Variants in CACNG2 observed in about 807,000 individuals in gnomAD.
CACNG2 encodes voltage-dependent calcium channel gamma-2 subunit.
CACNG2 carries 3 observed loss-of-function variants against 25.9 expected under a neutral mutation model. That is an observed-to-expected ratio of 0.12 (90% CI 0.05 to 0.30). CACNG2 has a LOEUF of 0.30. Among genes scored for constraint, CACNG2 ranks in the 10% least tolerant of loss-of-function variants. The probability of loss-of-function intolerance (pLI) is 1.00; values close to 1 mark genes in which losing one functional copy is unlikely to be tolerated. For synonymous variants in CACNG2, 167 were observed against 173.3 expected (o/e 0.96, Z 0.29); for missense variants, 341 against 432.5 (o/e 0.79, Z 1.88).
In CACNG2 at chr22:36,625,221, C is replaced by T. The variant is rs138997043; in HGVS notation, c.212-37673G>A. On this transcript the variant is annotated intron_variant, in intron 1 of 3. Coordinates refer to ENST00000300105, the MANE Select transcript of CACNG2 (RefSeq NM_006078.5). ...TAGTTTCTGTATACAGAGGAGAGAA[C>T]GCTGGATAGAGAGTCTGAAAATGCA... is the stretch of plus-strand genomic sequence containing the variant. Among the ~76,000 whole-genome samples the T allele has an allele frequency of 2.1e-3, 320 of 152,152 alleles. 2 individuals carry two copies. Among genetic ancestry groups the T allele is most frequent in the African/African-American group, 7.2e-3 (299 of 41,498 alleles).
At chr22:36,686,377 G>A (rs1031824367) in intron 1 of CACNG2, among the ~76,000 whole-genome samples, 4 of 152,188 alleles carry the variant, frequency 2.6e-5, no homozygotes, top group African/African-American at 4.8e-5. Flanking sequence ...GCTTCTCTTC[G>A]GTCAAATCCT....
intron 1 of CACNG2, among the ~76,000 whole-genome samples, chr22:36,676,992 CA>C (rs1307062972): frequency 7.2e-6 from 1 of 138,634 alleles, no homozygotes; most frequent in African/African-American, 2.6e-5. Context: ...TTGTCAGCAG[CA>C]AATTCATCTG....
At chr22:36,666,869 G>A (rs888062291) in intron 1 of CACNG2, among the ~76,000 whole-genome samples, 16 of 151,990 alleles carry the variant, frequency 1.1e-4, no homozygotes, top group Non-Finnish European at 8.8e-5. Context: ...CACTAGACCG[G>A]ATGGCCCACT....
chr22:36,685,175 G>T (rs940900459), intron 1 of CACNG2, among the ~76,000 whole-genome samples: 1 of 152,086 alleles, frequency 6.6e-6, no homozygotes, highest in Non-Finnish European at 1.5e-5. Context: ...GGCGGCAGGG[G>T]GTGTCTCTCC....
chr22:36,696,804 T>C (rs1937348296), intron 1 of CACNG2, among the ~76,000 whole-genome samples: 1 of 152,184 alleles, frequency 6.6e-6, no homozygotes, highest in African/African-American at 2.4e-5. Flanking sequence ...CAGACATCCA[T>C]TCATTTAATC....
chr22:36,607,254 T>C (rs923125150), intron 1 of CACNG2, among the ~76,000 whole-genome samples: 2 of 152,090 alleles, frequency 1.3e-5, no homozygotes, highest in Non-Finnish European at 2.9e-5. Context: ...GTCTTGGCCC[T>C]TTTCTTTTTT....
At chr22:36,688,463 C>A (rs984367838) in intron 1 of CACNG2, among the ~76,000 whole-genome samples, 8 of 150,780 alleles carry the variant, frequency 5.3e-5, no homozygotes, top group African/African-American at 1.7e-4. Context: ...TTGCTTGAAC[C>A]CAACAGTTTG....
At chr22:36,679,471 T>C (rs941109997) in intron 1 of CACNG2, among the ~76,000 whole-genome samples, 2 of 152,176 alleles carry the variant, frequency 1.3e-5, no homozygotes, top group Non-Finnish European at 2.9e-5. Flanking sequence ...TACGTTTCAA[T>C]GATCACAAAT....
At chr22:36,609,190 C>T (rs115730806) in intron 1 of CACNG2, among the ~76,000 whole-genome samples, 3,397 of 143,828 alleles carry the variant, frequency 0.024, 133 homozygotes, top group African/African-American at 0.083. Flanking sequence ...AGCCCCAGAG[C>T]GTGATCGGGC....
intron 1 of CACNG2, among the ~76,000 whole-genome samples, chr22:36,640,398 G>GCTCTC (rs1936424680): frequency 6.6e-6 from 1 of 152,208 alleles, no homozygotes; most frequent in Admixed American, 6.5e-5. Context: ...CCTTCTTCCT[G>GCTCTC]CTCTCTGAGG....
Position 36,563,115 on chromosome 22 carries a change from G to T in CACNG2, c.*1236C>A, listed in dbSNP as rs764776148. Among the ~76,000 whole-genome samples, 6 of 151,650 alleles carry T rather than the reference G, an allele frequency of 4.0e-5. No homozygotes were observed. The highest frequency in any genetic ancestry group is 7.4e-5 in the Non-Finnish European group (5 of 67,918). Reference sequence around the variant, plus strand: ...TATTTACATTTATTTATAGTCTGTGGTTTTTTTATTAAAAAAAAATCACCA... The same window carrying T: ...TATTTACATTTATTTATAGTCTGTGTTTTTTTTATTAAAAAAAAATCACCA... On this transcript the variant is annotated 3_prime_UTR_variant, in exon 4 of 4. Coordinates refer to ENST00000300105, the MANE Select transcript of CACNG2 (RefSeq NM_006078.5).
At chr22:36,613,911 C>T (rs1210664105) in intron 1 of CACNG2, among the ~76,000 whole-genome samples, 1 of 152,134 alleles carries the variant, frequency 6.6e-6, no homozygotes, top group African/African-American at 2.4e-5. Flanking sequence ...CATCTCCACT[C>T]CCAGCAAATC....
chr22:36,661,062 G>T (rs1323085179), intron 1 of CACNG2, among the ~76,000 whole-genome samples: 1 of 152,234 alleles, frequency 6.6e-6, no homozygotes, highest in African/African-American at 2.4e-5. Context: ...GTGCAGGCAG[G>T]TTCCTTGGTG....
chr22:36,643,612 G>A (rs746734799), intron 1 of CACNG2, among the ~76,000 whole-genome samples: 14 of 152,190 alleles, frequency 9.2e-5, no homozygotes, highest in South Asian at 2.1e-4. Context: ...GGAAGGTCAG[G>A]ACTGGAGGAG....
At chr22:36,600,914 C>T (rs1342901845) in intron 1 of CACNG2, among the ~76,000 whole-genome samples, 2 of 152,064 alleles carry the variant, frequency 1.3e-5, no homozygotes, top group Admixed American at 6.6e-5. Flanking sequence ...TGTATGATTA[C>T]ATATATACAG....
chr22:36,673,296 C>T (rs963549462), intron 1 of CACNG2, among the ~76,000 whole-genome samples: 5 of 151,896 alleles, frequency 3.3e-5, no homozygotes, highest in South Asian at 4.2e-4. Context: ...GACAGCAAGG[C>T]GGGAAATGGG....
At position 36,577,533 on chromosome 22, in the gene CACNG2, C is replaced by T. The variant is rs192417309; in HGVS notation, c.295+9932G>A. Among the ~76,000 whole-genome samples, 314 of 151,948 alleles carry T rather than the reference C, an allele frequency of 2.1e-3. 5 individuals carry two copies. The highest frequency in any genetic ancestry group is 7.8e-4 in the East Asian group (4 of 5,160). ...GGCGTGGTGGCGCAGGCCCGTAGTC[C>T]CACCTACTTGGGAGGCTGAGGCAGG... is the stretch of plus-strand genomic sequence containing the variant. On this transcript the variant is annotated intron_variant, in intron 2 of 3. Coordinates refer to ENST00000300105, the MANE Select transcript of CACNG2 (RefSeq NM_006078.5).
At chr22:36,611,692 AG>A (rs1365625910) in intron 1 of CACNG2, among the ~76,000 whole-genome samples, 1 of 152,116 alleles carries the variant, frequency 6.6e-6, no homozygotes, top group South Asian at 2.1e-4. Context: ...CAGCAACTAA[AG>A]TGTGGGAGTC....
intron 1 of CACNG2, among the ~76,000 whole-genome samples, chr22:36,619,661 A>G (rs1364010095): frequency 1.3e-5 from 2 of 152,228 alleles, no homozygotes; most frequent in Non-Finnish European, 2.9e-5. Context: ...AGTCAATGAT[A>G]ATCAAGGCGG....
Sources: allele counts gnomAD v4.1 joint callset (sites outside exome capture counted in the v4.1 genomes callset), GRCh38; gene constraint gnomAD v4.1.1; transcripts MANE v1.5; gene names NCBI Gene and HGNC (gene_info 2026-07-23, HGNC 2026-07-21).